CECR2: variants seen among roughly 807,000 people sequenced by gnomAD.
CECR2 encodes CECR2 histone acetyl-lysine reader.
Under a neutral mutation model 154.5 loss-of-function variants are expected in CECR2, and 30 were observed. The ratio of observed to expected loss-of-function variants is 0.19; its 90% confidence interval spans 0.15 to 0.26. The LOEUF is 0.26. Among genes scored for constraint, CECR2 ranks in the 10% least tolerant of loss-of-function variants. The pLI, the probability that CECR2 is intolerant of heterozygous loss-of-function variation, is 1.00. For synonymous variants in CECR2, 725 were observed against 683.7 expected, an observed-to-expected ratio of 1.06 and a Z score of -0.94; for missense variants, 1,743 against 1,829.3, an observed-to-expected ratio of 0.95 and a Z score of 0.86.
At chr22:17,543,915 C>A (rs1366324863) in intron 16 of CECR2, among the ~76,000 whole-genome samples, 1 of 152,136 alleles carries the variant, frequency 6.6e-6, no homozygotes, top group African/African-American at 2.4e-5. Flanking sequence ...CTGTTACTAT[C>A]CTTGTTTTTA....
chr22:17,524,692 CTTTTTTTTTTTTT>C (rs1188195849), intron 9 of CECR2, among the ~76,000 whole-genome samples: 1 of 44,306 alleles, frequency 2.3e-5, no homozygotes, highest in Non-Finnish European at 3.8e-5. Flanking sequence ...ATGCCTGGCC[CTTTTTTTTTTTTT>C]TTTTTTTTTT....
chr22:17,528,830 A>C (rs1402420773), intron 9 of CECR2, among the ~76,000 whole-genome samples: 1 of 152,174 alleles, frequency 6.6e-6, no homozygotes, highest in East Asian at 1.9e-4. Context: ...GCACACACCC[A>C]GCCAGAAGTA....
rs1345543681 is a variant in CECR2 at position 17,370,324 on chromosome 22, G to C, written c.126+415G>C. Among the ~76,000 whole-genome samples the C allele has an allele frequency of 2.0e-3, 298 of 149,308 alleles. 1 individual carries two copies. Among genetic ancestry groups the C allele is most frequent in the African/African-American group, 6.8e-3 (279 of 40,786 alleles). Reference sequence around the variant, plus strand: ...TGCTCCGGCGGGGCCGGGCGCGGGGGGGGGGCCCGCGCGGGATTAACTCGG... The same window carrying C: ...TGCTCCGGCGGGGCCGGGCGCGGGGCGGGGGCCCGCGCGGGATTAACTCGG... On this transcript the variant is annotated intron_variant, in intron 1 of 18. Transcript: ENST00000262608.
chr22:17,456,481 A>G (rs540038914), intron 1 of CECR2, among the ~76,000 whole-genome samples: 76 of 152,210 alleles, frequency 5.0e-4, no homozygotes, highest in Non-Finnish European at 9.1e-4. Flanking sequence ...ATTTGAAACA[A>G]TTTACATTTT....
In CECR2 at chr22:17,504,804, C is replaced by T. The variant is rs905510807; in HGVS notation, c.701-43C>T. 5.2e-6 allele frequency: 8 copies of T among 1,552,780 alleles called. No individual in the cohort carries two copies. The African/African-American group carries it at 5.5e-5, about 11-fold the overall frequency. ...AATTGAGAATAAATAAGGAAAGGTC[C>T]TCATGGGATCTCCTGTAGTGAATCC... On this transcript the variant is annotated intron_variant, in intron 6 of 18. Coordinates refer to ENST00000262608, the MANE Select transcript of CECR2 (RefSeq NM_001290047.2).
At chr22:17,398,619 T>C (rs1362150563) in intron 1 of CECR2, among the ~76,000 whole-genome samples, 6 of 152,196 alleles carry the variant, frequency 3.9e-5, no homozygotes, top group African/African-American at 2.4e-5. Flanking sequence ...GACAATTTAC[T>C]TAACAGCCCT....
At chr22:17,430,077 G>A (rs2054398074) in intron 1 of CECR2, among the ~76,000 whole-genome samples, 1 of 152,146 alleles carries the variant, frequency 6.6e-6, no homozygotes, top group Admixed American at 6.5e-5. Context: ...GTTGATGATA[G>A]TTTTCCTTTT....
At chr22:17,486,903 C>T (rs546268790) in intron 2 of CECR2, among the ~76,000 whole-genome samples, 1 of 152,042 alleles carries the variant, frequency 6.6e-6, no homozygotes, top group African/African-American at 2.4e-5. Flanking sequence ...GCCTCACCAG[C>T]GTTTCATTCC....
At chr22:17,516,542 T>C (rs1055480032) in intron 8 of CECR2, among the ~76,000 whole-genome samples, 1 of 152,164 alleles carries the variant, frequency 6.6e-6, no homozygotes, top group East Asian at 1.9e-4. Flanking sequence ...AATCATGGGA[T>C]GGACTTCCCC....
intron 16 of CECR2, among the ~76,000 whole-genome samples, chr22:17,544,511 A>AG (rs1159099912): frequency 6.8e-6 from 1 of 148,134 alleles, no homozygotes; most frequent in Non-Finnish European, 1.5e-5. Context: ...AAAAAAAAAA[A>AG]AAAAAAGTTA....
chr22:17,453,081 TTG>T (rs2054796421), intron 1 of CECR2, among the ~76,000 whole-genome samples: 2 of 152,190 alleles, frequency 1.3e-5, no homozygotes, highest in African/African-American at 4.8e-5. Context: ...TTCTGGTACA[TTG>T]TATGAATGAA....
At chr22:17,487,525 C>T (rs1428998862) in intron 2 of CECR2, among the ~76,000 whole-genome samples, 2 of 152,070 alleles carry the variant, frequency 1.3e-5, no homozygotes, top group African/African-American at 4.8e-5. Context: ...CGGTGAAACC[C>T]CGTCTGTACT....
rs374897884 is a variant in CECR2, at chr22:17,413,879, A to G, written c.126+43970A>G. ...TTTTTAGTAGAGACAGGGTTTCACC[A>G]TGGTAGCCAGGATGGTCTCGATCAC... On this transcript the variant is annotated intron_variant, in intron 1 of 18. Coordinates refer to ENST00000262608, the MANE Select transcript of CECR2 (RefSeq NM_001290047.2). 1.9e-3 allele frequency among the ~76,000 whole-genome samples: 282 copies of G among 146,472 alleles called. 2 individuals are homozygous for G. Among genetic ancestry groups the G allele is most frequent in the East Asian group, 0.015 (73 of 4,906 alleles).
At chr22:17,456,189 T>C (rs1356428293) in intron 1 of CECR2, among the ~76,000 whole-genome samples, 1 of 152,222 alleles carries the variant, frequency 6.6e-6, no homozygotes, top group Non-Finnish European at 1.5e-5. Context: ...TTGATAAAAA[T>C]ACTATATTCT....
intron 1 of CECR2, among the ~76,000 whole-genome samples, chr22:17,421,828 T>C (rs939746157): frequency 2.0e-5 from 3 of 148,902 alleles, no homozygotes; most frequent in Non-Finnish European, 3.0e-5. Context: ...TCAGTTAGGC[T>C]CTGATAAAAC....
intron 2 of CECR2, among the ~76,000 whole-genome samples, chr22:17,492,084 A>G (rs891279823): frequency 6.6e-6 from 1 of 152,232 alleles, no homozygotes; most frequent in Non-Finnish European, 1.5e-5. Context: ...TTGTTGCTTT[A>G]CTACTAGAAC....
chr22:17,514,910 G>C (rs548099216), intron 8 of CECR2, among the ~76,000 whole-genome samples: 5 of 151,912 alleles, frequency 3.3e-5, no homozygotes, highest in Admixed American at 2.6e-4. Context: ...GTGGGCGCCT[G>C]TAGTCCCAGC....
upstream of CECR2, among the ~76,000 whole-genome samples, chr22:17,367,059 A>G (rs2063005828): frequency 6.6e-6 from 1 of 152,214 alleles, no homozygotes; most frequent in South Asian, 2.1e-4. Context: ...GCCCTGAGAG[A>G]CAGGGCGGAT....
At position 17,483,357 on chromosome 22, in the gene CECR2, C is replaced by T. The variant is rs147830538; in HGVS notation, c.221+5675C>T. Among the ~76,000 whole-genome samples, 1,135 of 152,184 alleles carry T rather than the reference C, an allele frequency of 7.5e-3. 11 individuals are homozygous for T. Among genetic ancestry groups the T allele is most frequent in the African/African-American group, 0.026 (1,084 of 41,518 alleles). ...AGAGGACGGTTTGAGGCCAGGAGTT[C>T]GAGACCAGCCTGGGCAACATAGCAA... On this transcript the variant is annotated intron_variant, in intron 2 of 18. Coordinates refer to ENST00000262608, the MANE Select transcript of CECR2 (RefSeq NM_001290047.2).
Sources: gnomAD v4.1 joint callset for allele counts (sites outside exome capture counted in the v4.1 genomes callset) on GRCh38, gnomAD v4.1.1 for gene constraint, MANE v1.5 for transcripts, NCBI Gene and HGNC (gene_info 2026-07-23, HGNC 2026-07-21) for gene names.